The following FHIT variants were observed in gnomAD, a reference collection of about 807,000 sequenced individuals.
FHIT encodes bis(5'-adenosyl)-triphosphatase.
Under a neutral mutation model 17.9 loss-of-function variants are expected in FHIT, and 19 were observed. That is an observed-to-expected ratio of 1.06 (90% CI 0.74 to 1.56). The LOEUF (loss-of-function observed/expected upper bound fraction) is 1.56, where lower values mean the gene tolerates loss of function less well. Among genes scored for constraint, FHIT ranks in the 40% most tolerant of loss-of-function variants. The pLI, the probability that FHIT is intolerant of heterozygous loss-of-function variation, is 0.00. For synonymous variants in FHIT, 81 were observed against 69.7 expected, an observed-to-expected ratio of 1.16 and a Z score of -0.81; for missense variants, 248 against 189.2, an observed-to-expected ratio of 1.31 and a Z score of -1.82.
chr3:60,673,055 C>T (rs563945236), intron 4 of FHIT, among the ~76,000 whole-genome samples: 1 of 152,140 alleles, frequency 6.6e-6, no homozygotes, highest in South Asian at 2.1e-4. Flanking sequence ...CTTCTATTTG[C>T]ATTATAATCC....
Position 59,819,466 on chromosome 3 carries a change from GA to G in FHIT, c.349-67146del, listed in dbSNP as rs1300888210. ...CTATATCCCTATTTTTCTTTTTCTT[GA>G]AAAAAAATTTAATTTTTAGAAATTA... is the stretch of plus-strand genomic sequence containing the variant. On this transcript the variant is annotated intron_variant, in intron 8 of 9. Coordinates refer to ENST00000492590, the MANE Select transcript of FHIT (RefSeq NM_002012.4). Among the ~76,000 whole-genome samples the G allele has an allele frequency of 5.3e-5, 8 of 151,292 alleles. No individual in the cohort carries two copies. The South Asian group carries it at 1.3e-3, about 24-fold the overall frequency.
intron 1 of FHIT, among the ~76,000 whole-genome samples, chr3:61,235,114 T>C (rs1353727441): frequency 6.6e-6 from 1 of 152,244 alleles, no homozygotes; most frequent in Admixed American, 6.5e-5. Flanking sequence ...ATTCCTTTTA[T>C]ATCCTTGTCC....
At chr3:60,626,916 T>G (rs577856083) in intron 4 of FHIT, among the ~76,000 whole-genome samples, 1 of 152,120 alleles carries the variant, frequency 6.6e-6, no homozygotes, top group East Asian at 1.9e-4. Context: ...GTGTTAAATG[T>G]TTTTCAAATA....
chr3:60,170,922 A>C (rs1307416472), intron 5 of FHIT, among the ~76,000 whole-genome samples: 2 of 152,048 alleles, frequency 1.3e-5, no homozygotes, highest in East Asian at 1.9e-4. Flanking sequence ...ATGCAATCTC[A>C]AATTCCTGGT....
chr3:61,205,668 T>G (rs2106714441), intron 1 of FHIT, among the ~76,000 whole-genome samples: 1 of 152,344 alleles, frequency 6.6e-6, no homozygotes, highest in East Asian at 1.9e-4. Flanking sequence ...TTGATGGGGT[T>G]GTTTTTGTCT....
chr3:60,659,395 G>A (rs1439685814), intron 4 of FHIT, among the ~76,000 whole-genome samples: 1 of 151,996 alleles, frequency 6.6e-6, no homozygotes, highest in East Asian at 1.9e-4. Context: ...TTAAGCTTCT[G>A]AACTCTCACA....
chr3:59,859,405 C>T (rs945336667), intron 8 of FHIT, among the ~76,000 whole-genome samples: 8 of 152,246 alleles, frequency 5.3e-5, no homozygotes, highest in African/African-American at 4.8e-5. Context: ...CAGGAAAACA[C>T]GAGACAGGGA....
At chr3:61,079,491 A>C (rs1185684607) in intron 2 of FHIT, among the ~76,000 whole-genome samples, 1 of 152,222 alleles carries the variant, frequency 6.6e-6, no homozygotes, top group Non-Finnish European at 1.5e-5. Context: ...AATCAAAAAA[A>C]ATGTCATTTT....
chr3:60,975,435 T>C (rs2107538989), intron 3 of FHIT, among the ~76,000 whole-genome samples: 1 of 152,336 alleles, frequency 6.6e-6, no homozygotes, highest in African/African-American at 2.4e-5. Flanking sequence ...ACTTGAAGTA[T>C]GGCTTTATTT....
intron 5 of FHIT, among the ~76,000 whole-genome samples, chr3:60,336,408 T>G (rs1174288080): frequency 6.6e-6 from 1 of 151,916 alleles, no homozygotes; most frequent in African/African-American, 2.4e-5. Context: ...ATGAAAAGAG[T>G]GGTTAAAAGT....
chr3:60,751,935 C>A (rs1189400188), intron 4 of FHIT, among the ~76,000 whole-genome samples: 3 of 152,038 alleles, frequency 2.0e-5, no homozygotes, highest in Non-Finnish European at 4.4e-5. Flanking sequence ...ACTATGCAGT[C>A]TTTTAAGTGG....
chr3:59,761,944 T>C (rs1365377590), intron 8 of FHIT, among the ~76,000 whole-genome samples: 1 of 152,206 alleles, frequency 6.6e-6, no homozygotes, highest in African/African-American at 2.4e-5. Context: ...AGTCAGGAAC[T>C]TTCACCTTTT....
At chr3:60,157,255 C>T (rs1427685214) in intron 5 of FHIT, among the ~76,000 whole-genome samples, 1 of 152,034 alleles carries the variant, frequency 6.6e-6, no homozygotes, top group East Asian at 1.9e-4. Context: ...AGTGAATGAT[C>T]GGTTATGTCG....
chr3:59,839,749 C>T (rs1438993184), intron 8 of FHIT, among the ~76,000 whole-genome samples: 3 of 152,114 alleles, frequency 2.0e-5, no homozygotes, highest in Admixed American at 6.5e-5. Context: ...AGACCTGTTT[C>T]CTTACCAGGA....
intron 3 of FHIT, among the ~76,000 whole-genome samples, chr3:60,913,227 T>C: frequency 6.6e-6 from 1 of 152,252 alleles, no homozygotes; most frequent in East Asian, 1.9e-4. Flanking sequence ...CTCTATAGTG[T>C]TGAGACTTGA....
At chr3:60,509,104 A>C (rs184244576) in intron 5 of FHIT, among the ~76,000 whole-genome samples, 1 of 152,254 alleles carries the variant, frequency 6.6e-6, no homozygotes, top group Non-Finnish European at 1.5e-5. Context: ...TAGGCTATCA[A>C]ATAAAACACC....
intron 8 of FHIT, among the ~76,000 whole-genome samples, chr3:59,904,078 C>T (rs1224869538): frequency 1.4e-5 from 2 of 140,996 alleles, no homozygotes; most frequent in Admixed American, 1.4e-4. Context: ...TTTTTTTCTC[C>T]CCCACACCCC....
chr3:60,201,189 T>C lies in FHIT; in HGVS notation c.104-187037A>G, dbSNP rs1310526346. Among the ~76,000 whole-genome samples the C allele has an allele frequency of 5.9e-5, 9 of 152,276 alleles. 1 individual carries two copies. The highest frequency in any genetic ancestry group is 3.4e-3 in the Middle Eastern group (1 of 294). ...ACCACTATGTATAACAACACGTATG[T>C]TCCACTGCTGATTTTACCAACAGAG... is the stretch of plus-strand genomic sequence containing the variant. On this transcript the variant is annotated intron_variant, in intron 5 of 9. Coordinates refer to ENST00000492590, the MANE Select transcript of FHIT (RefSeq NM_002012.4).
chr3:60,007,031 T>C (rs1448600092), intron 7 of FHIT, among the ~76,000 whole-genome samples: 1 of 152,196 alleles, frequency 6.6e-6, no homozygotes, highest in Non-Finnish European at 1.5e-5. Flanking sequence ...TACTATAAAA[T>C]TAAATTTCTA....
Sources: gnomAD v4.1 joint callset for allele counts (sites outside exome capture counted in the v4.1 genomes callset) on GRCh38, gnomAD v4.1.1 for gene constraint, MANE v1.5 for transcripts, NCBI Gene and HGNC (gene_info 2026-07-23, HGNC 2026-07-21) for gene names.